The following ADGRL2 variants were observed in gnomAD, a reference collection of about 807,000 sequenced individuals.
ADGRL2 encodes calcium-independent alpha-latrotoxin receptor 2.
ADGRL2 carries 44 observed loss-of-function variants against 157.4 expected under a neutral mutation model. The ratio of observed to expected loss-of-function variants is 0.28; its 90% CI spans 0.22 to 0.36. The LOEUF (loss-of-function observed/expected upper bound fraction) is 0.36, where lower values mean the gene tolerates loss of function less well. Ranked by LOEUF, ADGRL2 falls within the 10% of genes least tolerant of loss-of-function variation. ADGRL2 has a pLI of 1.00. For missense variants in ADGRL2, 1,510 were observed against 1,768.9 expected, an observed-to-expected ratio of 0.85 and a Z score of 2.63; for synonymous variants, 585 against 624.7, an observed-to-expected ratio of 0.94 and a Z score of 0.95.
At chr1:81,903,148 C>T (rs1234622254) in intron 2 of ADGRL2, among the ~76,000 whole-genome samples, 1 of 152,068 alleles carries the variant, frequency 6.6e-6, no homozygotes, top group Admixed American at 6.6e-5. Context: ...AATGACTTTG[C>T]CCAAAGTCAC....
chr1:81,401,298 C>T (rs2076750866), intron 1 of ADGRL2, among the ~76,000 whole-genome samples: 2 of 152,286 alleles, frequency 1.3e-5, no homozygotes, highest in South Asian at 4.1e-4. Flanking sequence ...AACTCAGCTG[C>T]CTGGAGTTCA....
chr1:81,580,333 CA>C (rs2080881872), intron 2 of ADGRL2, among the ~76,000 whole-genome samples: 1 of 151,744 alleles, frequency 6.6e-6, no homozygotes. Context: ...TTGATAAGTA[CA>C]AAATAAACAC....
At chr1:81,672,821 C>T (rs1043379219) in intron 3 of ADGRL2, among the ~76,000 whole-genome samples, 2 of 152,154 alleles carry the variant, frequency 1.3e-5, no homozygotes, top group Non-Finnish European at 2.9e-5. Context: ...AACTGAACTT[C>T]CCCTTGATAA....
At position 81,892,096 on chromosome 1, in the gene ADGRL2, G is replaced by T. The variant is rs371413641; in HGVS notation, c.74-14921G>T. ...TACATTTTTTTATCCATCAATCTTTGTACCAACACTGTGAATTAATTTAAT... is the reference window on the plus strand; with the variant it reads ...TACATTTTTTTATCCATCAATCTTTTTACCAACACTGTGAATTAATTTAAT... On this transcript the variant is annotated intron_variant, in intron 2 of 23. Coordinates refer to ENST00000686636, the MANE Select transcript of ADGRL2 (RefSeq NM_001366006.2). 3.3e-5 allele frequency among the ~76,000 whole-genome samples: 5 copies of T among 151,320 alleles called. No individual in the cohort carries two copies. In the South Asian group the frequency reaches 1.1e-3, roughly 32 times the overall value.
At chr1:81,866,205 AT>A (rs1173578111) in intron 2 of ADGRL2, among the ~76,000 whole-genome samples, 1 of 152,110 alleles carries the variant, frequency 6.6e-6, no homozygotes, top group Non-Finnish European at 1.5e-5. Flanking sequence ...GGCTTGTCAT[AT>A]CACTGACTTT....
chr1:81,893,601 A>T (rs1327301377), intron 2 of ADGRL2, among the ~76,000 whole-genome samples: 1 of 152,144 alleles, frequency 6.6e-6, no homozygotes, highest in Admixed American at 6.6e-5. Context: ...ACCTGTAGGG[A>T]ACAAGTATGA....
At chr1:81,561,953 C>T (rs149725557) in intron 2 of ADGRL2, among the ~76,000 whole-genome samples, 135 of 152,134 alleles carry the variant, frequency 8.9e-4, no homozygotes, top group Non-Finnish European at 1.5e-3. Flanking sequence ...GGGCAACTGA[C>T]AAAAAACAAA....
chr1:81,983,100 C>T (rs1274661487), intron 19 of ADGRL2, among the ~76,000 whole-genome samples: 1 of 151,874 alleles, frequency 6.6e-6, no homozygotes, highest in East Asian at 1.9e-4. Context: ...TTGTGCCAAA[C>T]ATCTTTGACA....
chr1:81,949,533 G>T (rs1329191110), intron 6 of ADGRL2, among the ~76,000 whole-genome samples: 1 of 152,160 alleles, frequency 6.6e-6, no homozygotes, highest in African/African-American at 2.4e-5. Context: ...CCTCTGACTG[G>T]AACTAGCTGC....
At chr1:81,763,741 C>A (rs2085990172) in intron 2 of ADGRL2, among the ~76,000 whole-genome samples, 1 of 151,972 alleles carries the variant, frequency 6.6e-6, no homozygotes, top group South Asian at 2.1e-4. Flanking sequence ...AAAATAGGGG[C>A]TAGGCGCAGT....
In ADGRL2 at chr1:81,723,059, GAGTCAAGCAC is replaced by G. The variant is rs1413923768; in HGVS notation, c.-143+23255_-143+23264del. ...TATCAGTAAATTGTCAGCCAATTGG[GAGTCAAGCAC>G]AGTGCCCTTCTGATAAATAAAGCCC... On this transcript the variant is annotated intron_variant, in intron 1 of 20. Transcript: ENST00000359929. 6 of 753,308 alleles carry G rather than the reference GAGTCAAGCAC, an allele frequency of 8.0e-6. No homozygotes were observed. The African/African-American group carries it at 1.0e-4, about 13-fold the overall frequency. The allele number at this position is 753,308 out of a possible 1,614,324, so 46.7% of individuals were successfully genotyped here. A position where few individuals can be genotyped will look rare whatever the true frequency, so the allele number is the denominator to read the frequency against.
intron 3 of ADGRL2, among the ~76,000 whole-genome samples, chr1:81,907,777 C>T (rs758130171): frequency 1.3e-5 from 2 of 152,140 alleles, no homozygotes; most frequent in Non-Finnish European, 2.9e-5. Context: ...CATGAACCCA[C>T]ATTGACACAT....
chr1:81,712,495 T>C (rs1397340573), intron 1 of ADGRL2, among the ~76,000 whole-genome samples: 1 of 152,160 alleles, frequency 6.6e-6, no homozygotes, highest in African/African-American at 2.4e-5. Context: ...TATCAAACAA[T>C]TTAATGGGTA....
intron 21 of ADGRL2, among the ~76,000 whole-genome samples, chr1:81,986,423 C>T (rs1288087996): frequency 6.6e-6 from 1 of 151,940 alleles, no homozygotes; most frequent in Admixed American, 6.6e-5. Context: ...TACTTTCTAC[C>T]TGTCTGTGAA....
intron 1 of ADGRL2, among the ~76,000 whole-genome samples, chr1:81,818,177 C>T (rs2090610932): frequency 6.6e-6 from 1 of 151,936 alleles, no homozygotes; most frequent in Non-Finnish European, 1.5e-5. Flanking sequence ...AAAAATTCCT[C>T]TTGAGAGTCT....
chr1:81,868,842 G>T (rs2093619788), intron 2 of ADGRL2, among the ~76,000 whole-genome samples: 1 of 152,044 alleles, frequency 6.6e-6, no homozygotes, highest in Non-Finnish European at 1.5e-5. Context: ...ATCTGGGCAG[G>T]AATACTGTTT....
At chr1:81,570,294 C>A (rs2080657959) in intron 2 of ADGRL2, among the ~76,000 whole-genome samples, 1 of 152,144 alleles carries the variant, frequency 6.6e-6, no homozygotes, top group Non-Finnish European at 1.5e-5. Flanking sequence ...TCTGTACTTA[C>A]TGAATGAAGA....
chr1:81,601,469 A>G (rs1012610320), intron 3 of ADGRL2, among the ~76,000 whole-genome samples: 4 of 152,224 alleles, frequency 2.6e-5, no homozygotes, highest in Non-Finnish European at 5.9e-5. Flanking sequence ...TGCCACAGAG[A>G]GAATTAAAAG....
chr1:81,468,911 T>C (rs1445153311), intron 2 of ADGRL2, among the ~76,000 whole-genome samples: 1 of 152,138 alleles, frequency 6.6e-6, no homozygotes, highest in African/African-American at 2.4e-5. Flanking sequence ...GGAGCCTCAG[T>C]GGAAGGAAAG....
Sources: gnomAD v4.1 joint callset for allele counts (sites outside exome capture counted in the v4.1 genomes callset) on GRCh38, gnomAD v4.1.1 for gene constraint, MANE v1.5 for transcripts, NCBI Gene and HGNC (gene_info 2026-07-23, HGNC 2026-07-21) for gene names.